Variants in USP53 observed in about 807,000 individuals in gnomAD.
USP53 encodes ubiquitin specific peptidase 53.
Under a neutral mutation model 94.9 loss-of-function variants are expected in USP53, and 71 were observed. That is an observed-to-expected ratio of 0.75 (90% CI 0.62 to 0.91). The LOEUF is 0.91. Ranked by LOEUF, USP53 falls within the 40% of genes least tolerant of loss-of-function variation. USP53 has a pLI of 0.00. For missense variants in USP53, 1,173 were observed against 1,281.0 expected (o/e 0.92, Z 1.29); for synonymous variants, 375 against 422.7 (o/e 0.89, Z 1.39).
chr4:119,238,884 G>A (rs990243248), intron 4 of USP53, among the ~76,000 whole-genome samples: 2 of 152,076 alleles, frequency 1.3e-5, no homozygotes, highest in African/African-American at 4.8e-5. Flanking sequence ...ATGATTCTAT[G>A]TAAGAAGGAT....
At chr4:119,270,655 C>A (rs919299981) in intron 15 of USP53, among the ~76,000 whole-genome samples, 3 of 152,166 alleles carry the variant, frequency 2.0e-5, no homozygotes, top group Admixed American at 6.5e-5. Flanking sequence ...ACATTATAAG[C>A]ATGTCTCTTT....
intron 6 of USP53, among the ~76,000 whole-genome samples, chr4:119,248,471 G>T (rs1748540426): frequency 6.7e-6 from 1 of 149,148 alleles, no homozygotes; most frequent in African/African-American, 2.5e-5. Flanking sequence ...GGTATCTCTT[G>T]TCTGAAATGC....
chr4:119,275,367 T>C (rs1179471111), intron 17 of USP53, among the ~76,000 whole-genome samples: 1 of 124,622 alleles, frequency 8.0e-6, no homozygotes, highest in Non-Finnish European at 1.8e-5. Context: ...CCTTTCCCCA[T>C]TGCTTGTTTT....
chr4:119,214,841 A>G (rs1490076751), intron 2 of USP53, among the ~76,000 whole-genome samples: 1 of 152,162 alleles, frequency 6.6e-6, no homozygotes, highest in Admixed American at 6.5e-5. Context: ...CAAAATCAGA[A>G]TTATTTTCCC....
rs745594154 is a variant in USP53, at chr4:119,293,121, C to G, written c.3132C>G (p.Cys1044Trp). The change falls in exon 19 of 19, where the codon TGC (cysteine) becomes TGG (tryptophan). Residue 1044 changes from cysteine to tryptophan, a missense_variant. Physicochemically the swap from Cys to Trp is radical, Grantham distance 215. Transcript: ENST00000692078. ...SLTTYFSVDS[C>W]MTDTYRLKYH... Reference sequence around the variant, plus strand: ...CTACCTATTTTTCAGTTGATAGCTGCATGACGGATACATATAGATTGAAAT... The same window carrying G: ...CTACCTATTTTTCAGTTGATAGCTGGATGACGGATACATATAGATTGAAAT... The G allele has an allele frequency of 1.9e-6, 3 of 1,613,744 alleles. No individual in the cohort carries two copies. In the Admixed American group the frequency reaches 5.0e-5, roughly 27 times the overall value.
intron 17 of USP53, among the ~76,000 whole-genome samples, chr4:119,286,912 AT>A (rs1009168932): frequency 2.4e-4 from 37 of 151,952 alleles, no homozygotes; most frequent in African/African-American, 6.8e-4. Context: ...ACCCACAGTG[AT>A]TTTCTTAAAC....
intron 5 of USP53, among the ~76,000 whole-genome samples, chr4:119,242,818 A>C (rs1213507277): frequency 2.6e-5 from 4 of 152,242 alleles, no homozygotes; most frequent in Non-Finnish European, 5.9e-5. Flanking sequence ...ATTTTCAAAA[A>C]TGCTGAGAAA....
chr4:119,256,418 A>G, intron 8 of USP53, 23 bp from the exon 9 acceptor site: 5 of 1,613,708 alleles, frequency 3.1e-6, no homozygotes, highest in Non-Finnish European at 4.2e-6. Context: ...TGATAGATTA[A>G]ACATATGTTT....
At chr4:119,251,139 G>A (rs1748948192) in intron 7 of USP53, among the ~76,000 whole-genome samples, 1 of 150,110 alleles carries the variant, frequency 6.7e-6, no homozygotes, top group South Asian at 2.1e-4. Context: ...CCACTTATGA[G>A]TGAGAACATG....
intron 3 of USP53, among the ~76,000 whole-genome samples, chr4:119,222,341 A>C (rs768643509): frequency 2.0e-5 from 3 of 152,172 alleles, no homozygotes; most frequent in Non-Finnish European, 2.9e-5. Context: ...GTTATTTTGA[A>C]ATATACAATA....
chr4:119,262,631 T>C (rs1016460332), intron 12 of USP53, among the ~76,000 whole-genome samples: 5 of 152,192 alleles, frequency 3.3e-5, no homozygotes, highest in Non-Finnish European at 7.3e-5. Context: ...GTCTTCACGC[T>C]GAGTAGACTG....
At chr4:119,259,784 C>A (rs1324743818) in intron 9 of USP53, 36 bp from the exon 10 acceptor site, 3 of 1,544,838 alleles carry the variant, frequency 1.9e-6, no homozygotes, top group South Asian at 1.2e-5. Flanking sequence ...GTTTTAAGTT[C>A]ATAGGCCAGA....
Position 119,259,300 on chromosome 4 carries a change from G to GC in USP53, c.570-520_570-519insC, listed in dbSNP as rs1561275479. On this transcript the variant is annotated intron_variant, in intron 9 of 18. Coordinates refer to ENST00000692078, the MANE Select transcript of USP53 (RefSeq NM_001371395.1). ...CATCTCAAAAAAAAAAAAAAAGGGG[G>GC]GGGAGTAATATTCAAAATAAGAACA... Among the ~76,000 whole-genome samples, 15 of 151,602 alleles carry GC rather than the reference G, an allele frequency of 9.9e-5. No homozygotes were observed. In the East Asian group the frequency reaches 2.9e-3, roughly 29 times the overall value.
chr4:119,257,804 C>T (rs149733326), intron 9 of USP53, among the ~76,000 whole-genome samples: 81 of 152,144 alleles, frequency 5.3e-4, no homozygotes, highest in African/African-American at 1.8e-3. Flanking sequence ...TGTAGTCAGT[C>T]GTCAGTCATT....
rs752641892 is a variant in USP53 at position 119,246,607 on chromosome 4, A to G, written c.237+1178A>G. The stretch of plus-strand genomic sequence containing the variant: ...TATTTACAGAGCAATAAATAACTAT[A>G]ACAGGGGTTTAGATTGTGTAGGGCC... On this transcript the variant is annotated intron_variant, in intron 6 of 18. Coordinates refer to ENST00000692078, the MANE Select transcript of USP53 (RefSeq NM_001371395.1). 1.9e-4 allele frequency among the ~76,000 whole-genome samples: 29 copies of G among 152,340 alleles called. 1 individual carries two copies. Among genetic ancestry groups the G allele is most frequent in the Admixed American group, 3.3e-4 (5 of 15,296 alleles).
chr4:119,260,650 T>C lies in USP53; in HGVS notation c.819T>C (p.Pro273=). The C allele has an allele frequency of 6.2e-7, 1 of 1,612,780 alleles. No individual in the cohort carries two copies. The highest frequency in any genetic ancestry group is 8.5e-7 in the Non-Finnish European group (1 of 1,179,398). Residue 273 remains proline (P), a synonymous_variant, in exon 11 of 19, where the codon CCT becomes CCC. Transcript: ENST00000692078. ...VRNLATHLYL[P]GLFYRVTDEN... The stretch of plus-strand genomic sequence containing the variant: ...ATCTAGCAACACATCTTTATCTTCC[T>C]GGGGTATCTTATCTATTTTCATTCC...
intron 2 of USP53, among the ~76,000 whole-genome samples, chr4:119,216,118 G>A (rs934333521): frequency 6.6e-6 from 1 of 152,094 alleles, no homozygotes; most frequent in Non-Finnish European, 1.5e-5. Flanking sequence ...TGTGGCTCAC[G>A]CCTGTAATCC....
chr4:119,240,771 C>G (rs1156616353), intron 5 of USP53, among the ~76,000 whole-genome samples: 1 of 152,136 alleles, frequency 6.6e-6, no homozygotes, highest in Non-Finnish European at 1.5e-5. Context: ...TCTCAGTTGC[C>G]TTCTACCTGA....
At chr4:119,219,632 A>G (rs1301458569) in intron 3 of USP53, 1 of 152,240 alleles carries the variant, frequency 6.6e-6, no homozygotes, top group Non-Finnish European at 1.5e-5. Flanking sequence ...CCATTCTAGT[A>G]GCCTGATAAA....
Sources: allele counts gnomAD v4.1 joint callset (sites outside exome capture counted in the v4.1 genomes callset), GRCh38; gene constraint gnomAD v4.1.1; transcripts MANE v1.5; gene names NCBI Gene and HGNC (gene_info 2026-07-23, HGNC 2026-07-21).